Variants in RUNX1T1 observed in about 807,000 individuals in gnomAD.
RUNX1T1 encodes the protein RUNX1 partner transcriptional co-repressor 1.
RUNX1T1 carries 4 observed loss-of-function variants against 62.8 expected under a neutral mutation model. The observed-to-expected ratio is 0.06, with a 90% CI of 0.03 to 0.15. The LOEUF (loss-of-function observed/expected upper bound fraction) is 0.15. Among genes scored for constraint, RUNX1T1 ranks in the 10% least tolerant of loss-of-function variants. The probability of loss-of-function intolerance (pLI) is 1.00; values close to 1 mark genes in which losing one functional copy is unlikely to be tolerated. For synonymous variants in RUNX1T1, 291 were observed against 286.0 expected, an observed-to-expected ratio of 1.02 and a Z score of -0.18; for missense variants, 508 against 754.3, an observed-to-expected ratio of 0.67 and a Z score of 3.82.
chr8:92,035,771 AT>A (rs1407673425), intron 1 of RUNX1T1, among the ~76,000 whole-genome samples: 8 of 85,150 alleles, frequency 9.4e-5, no homozygotes, highest in African/African-American at 4.3e-4. Context: ...AAATATCTGC[AT>A]ATATATATAT....
chr8:92,087,405 C>CCA lies in RUNX1T1; in HGVS notation c.-85-11270_-85-11269dup, dbSNP rs1223865178. On this transcript the variant is annotated intron_variant, in intron 1 of 11. Coordinates refer to the RUNX1T1 transcript ENST00000265814. ...CCCCAATACTCCTCCAAAGTCTTTT[C>CCA]CACATCTAGGCTTCTGCATTCCCTA... Among the ~76,000 whole-genome samples, 8 of 152,018 alleles carry CCA rather than the reference C, an allele frequency of 5.3e-5. No homozygotes were observed. In the South Asian group the frequency reaches 1.0e-3, roughly 20 times the overall value.
At position 92,028,067 on chromosome 8, in the gene RUNX1T1, T is replaced by C. The variant is rs1399989101; in HGVS notation, c.8-10704A>G. Among the ~76,000 whole-genome samples, 6 of 66,746 alleles carry C rather than the reference T, an allele frequency of 9.0e-5. No homozygotes were observed. In the South Asian group the frequency reaches 2.5e-3, roughly 28 times the overall value. 43.8% of individuals were successfully genotyped at this position (66,746 alleles called of 152,430 possible). On this transcript the variant is annotated intron_variant, in intron 1 of 10. Transcript: ENST00000396218. ...ATGGACGGACAGATGGACAGACGGA[T>C]GGAATAAATGGGGGGGGGGGTGGGA...
intron 1 of RUNX1T1, among the ~76,000 whole-genome samples, chr8:92,082,399 A>AG (rs1252013030): frequency 6.6e-6 from 1 of 152,112 alleles, no homozygotes; most frequent in Non-Finnish European, 1.5e-5. Flanking sequence ...CTAGGTTCAG[A>AG]CCTTGCCCCG....
intron 1 of RUNX1T1, among the ~76,000 whole-genome samples, chr8:92,030,860 C>G (rs1826089052): frequency 6.6e-6 from 1 of 152,188 alleles, no homozygotes; most frequent in Non-Finnish European, 1.5e-5. Flanking sequence ...CTGACACAGG[C>G]CTTCACATCT....
At chr8:91,996,603 T>C (rs920756048) in intron 5 of RUNX1T1, among the ~76,000 whole-genome samples, 2 of 152,158 alleles carry the variant, frequency 1.3e-5, no homozygotes, top group Non-Finnish European at 2.9e-5. Flanking sequence ...CAATCACTTC[T>C]CTCTCGAGGT....
intron 4 of RUNX1T1, chr8:92,006,487 C>T (rs1820797871): frequency 6.6e-6 from 1 of 152,120 alleles, no homozygotes; most frequent in Non-Finnish European, 1.5e-5. Flanking sequence ...GTCCCAGCTG[C>T]CTCAATTTTT....
intron 8 of RUNX1T1, among the ~76,000 whole-genome samples, chr8:91,976,877 T>A (rs1219902222): frequency 6.6e-6 from 1 of 152,142 alleles, no homozygotes; most frequent in East Asian, 1.9e-4. Context: ...AAGAAAAAAA[T>A]CATTTTAACT....
intron 8 of RUNX1T1, among the ~76,000 whole-genome samples, chr8:91,981,486 C>T (rs1815254523): frequency 7.5e-6 from 1 of 133,132 alleles, no homozygotes; most frequent in African/African-American, 2.9e-5. Flanking sequence ...ACAATCTTGG[C>T]TCACTGCAAC....
rs948368251 is a variant in RUNX1T1 at position 91,970,519 on chromosome 8, C to T, written c.1458+139G>A. 5.3e-5 allele frequency: 38 copies of T among 717,760 alleles called. No homozygotes were observed. The African/African-American group carries it at 6.2e-4, about 12-fold the overall frequency. The allele number at this position is 717,760 out of a possible 1,614,324, so 44.5% of individuals were successfully genotyped here. Reference sequence around the variant, plus strand: ...AATGTGATCAGCTCTTGGCAAATTTCATGAATACCTTGACTTTCCCCACAC... The same window carrying T: ...AATGTGATCAGCTCTTGGCAAATTTTATGAATACCTTGACTTTCCCCACAC... On this transcript the variant is annotated intron_variant, in intron 10 of 10. Coordinates refer to ENST00000396218, the Ensembl canonical transcript of RUNX1T1.
chr8:91,970,696 C>T lies in RUNX1T1; in HGVS notation c.1420G>A (p.Ala474Thr), dbSNP rs1310406617. Reference sequence around the variant, plus strand: ...TCCTGCTGATTGATAACTGCCAGTGCGTCCTCCGCCGCCTGCCGTTTGGCC... The same window carrying T: ...TCCTGCTGATTGATAACTGCCAGTGTGTCCTCCGCCGCCTGCCGTTTGGCC... Residue 474 changes from alanine (A) to threonine (T), a missense_variant, in exon 10 of 11, where the codon GCA becomes ACA. Ala to Thr is a moderately conservative substitution (Grantham distance 58). Around this residue, in one of 7 missense-constraint regions of RUNX1T1, gnomAD observed 70 missense variants for 169.6 expected, o/e 0.41. Transcript: ENST00000396218. The T allele has an allele frequency of 8.1e-6, 13 of 1,611,842 alleles. No individual in the cohort carries two copies. Among genetic ancestry groups the T allele is most frequent in the South Asian group, 1.1e-5 (1 of 90,828 alleles).
downstream of RUNX1T1, chr8:91,958,032 T>A (rs553559955): frequency 9.4e-6 from 2 of 213,708 alleles, no homozygotes; most frequent in African/African-American, 2.3e-5. Flanking sequence ...AACCTTAGGA[T>A]TGCCTCTATG....
intron 1 of RUNX1T1, among the ~76,000 whole-genome samples, chr8:92,061,722 C>A (rs774863689): frequency 6.6e-6 from 1 of 152,190 alleles, no homozygotes. Flanking sequence ...TCTGCCTGTC[C>A]TACCCAAATA....
chr8:92,100,713 G>C (rs1247439704), upstream of RUNX1T1, among the ~76,000 whole-genome samples: 2 of 152,080 alleles, frequency 1.3e-5, no homozygotes, highest in Non-Finnish European at 2.9e-5. Flanking sequence ...GGAAAAAAAC[G>C]AAAATGAAAT....
At chr8:92,060,778 T>C (rs980853283) in intron 1 of RUNX1T1, among the ~76,000 whole-genome samples, 2 of 152,084 alleles carry the variant, frequency 1.3e-5, no homozygotes, top group Non-Finnish European at 2.9e-5. Context: ...GTCCATCCAA[T>C]AGTAGAATTT....
At chr8:92,054,490 A>C (rs1404703956) in intron 1 of RUNX1T1, among the ~76,000 whole-genome samples, 1 of 152,122 alleles carries the variant, frequency 6.6e-6, no homozygotes, top group African/African-American at 2.4e-5. Context: ...ATCTACAATC[A>C]CTATTGCCAT....
intron 1 of RUNX1T1, among the ~76,000 whole-genome samples, chr8:92,041,183 A>T (rs1294857860): frequency 6.6e-6 from 1 of 152,224 alleles, no homozygotes; most frequent in Non-Finnish European, 1.5e-5. Context: ...AAAAGAATAA[A>T]TAATTTGTCC....
At chr8:91,957,124 C>T (rs1809515716), downstream of RUNX1T1, 1 of 215,994 alleles carries the variant, frequency 4.6e-6, no homozygotes. Flanking sequence ...CAATTCTATC[C>T]AATGAAGATA....
chr8:92,059,252 T>C (rs575636340), intron 1 of RUNX1T1, among the ~76,000 whole-genome samples: 1 of 152,130 alleles, frequency 6.6e-6, no homozygotes, highest in African/African-American at 2.4e-5. Context: ...CAAAGTAAAA[T>C]AGAGTGTCAG....
intron 1 of RUNX1T1, among the ~76,000 whole-genome samples, chr8:92,041,634 C>T (rs760111336): frequency 4.6e-5 from 7 of 151,916 alleles, no homozygotes; most frequent in African/African-American, 1.5e-4. Context: ...CCCAGCTACT[C>T]GGGAGACTGA....
Sources: gnomAD v4.1 joint callset for allele counts (sites outside exome capture counted in the v4.1 genomes callset) on GRCh38, gnomAD v4.1.1 for gene constraint, gnomAD v4.1.1 regional missense constraint, MANE v1.5 for transcripts, NCBI Gene and HGNC (gene_info 2026-07-23, HGNC 2026-07-21) for gene names.